The following SKAP2 variants were observed in gnomAD, a reference collection of about 807,000 sequenced individuals.
SKAP2 encodes the protein src kinase associated phosphoprotein 2, also known as src kinase-associated phosphoprotein 2.
In SKAP2, 28 loss-of-function variants were observed where a neutral mutation model predicts 54.9. The ratio of observed to expected loss-of-function variants is 0.51; its 90% CI spans 0.38 to 0.70. The LOEUF (loss-of-function observed/expected upper bound fraction) is 0.70, where lower values mean the gene tolerates loss of function less well. SKAP2 is among the 30% of genes least tolerant of loss of function. SKAP2 has a pLI of 0.00. For synonymous variants in SKAP2, 137 were observed against 134.3 expected (o/e 1.02, Z -0.14); for missense variants, 356 against 424.1 (o/e 0.84, Z 1.41).
At chr7:26,840,241 T>A (rs1224698110) in intron 4 of SKAP2, among the ~76,000 whole-genome samples, 1 of 152,082 alleles carries the variant, frequency 6.6e-6, no homozygotes, top group Non-Finnish European at 1.5e-5. Flanking sequence ...GGTTTCAGAT[T>A]TTTATCCACA....
At chr7:26,699,994 T>G (rs968094104) in intron 9 of SKAP2, among the ~76,000 whole-genome samples, 2 of 152,242 alleles carry the variant, frequency 1.3e-5, no homozygotes, top group Admixed American at 1.3e-4. Context: ...TTTCTTGTAC[T>G]TGTGCAACTA....
At chr7:26,772,927 T>C (rs1783219340) in intron 4 of SKAP2, among the ~76,000 whole-genome samples, 1 of 152,230 alleles carries the variant, frequency 6.6e-6, no homozygotes, top group Admixed American at 6.5e-5. Flanking sequence ...ACAATAAGGC[T>C]GAGTCCAGTG....
intron 6 of SKAP2, among the ~76,000 whole-genome samples, chr7:26,730,158 C>T (rs557861308): frequency 1.3e-5 from 2 of 152,150 alleles, no homozygotes; most frequent in Admixed American, 1.3e-4. Context: ...CAACACTGTT[C>T]TCCTCCTTTC....
At chr7:26,699,818 G>GA (rs1005079648) in intron 9 of SKAP2, among the ~76,000 whole-genome samples, 3 of 151,650 alleles carry the variant, frequency 2.0e-5, no homozygotes, top group Non-Finnish European at 4.4e-5. Flanking sequence ...TCCACCACAT[G>GA]AAAAAAAATG....
chr7:26,756,334 C>T (rs986677300), intron 4 of SKAP2, among the ~76,000 whole-genome samples: 2 of 152,126 alleles, frequency 1.3e-5, no homozygotes, highest in Non-Finnish European at 2.9e-5. Flanking sequence ...CACCTCCTCC[C>T]GCCCCACAAC....
intron 9 of SKAP2, among the ~76,000 whole-genome samples, chr7:26,710,530 A>G (rs983275949): frequency 6.6e-6 from 1 of 152,196 alleles, no homozygotes; most frequent in East Asian, 1.9e-4. Flanking sequence ...ACAGAAGTGT[A>G]AGAACACAAA....
At chr7:26,777,935 T>TA (rs1783347484) in intron 4 of SKAP2, among the ~76,000 whole-genome samples, 1 of 151,992 alleles carries the variant, frequency 6.6e-6, no homozygotes, top group African/African-American at 2.4e-5. Flanking sequence ...AATGAACTGA[T>TA]TATAGGTATT....
At chr7:26,838,636 A>T (rs1468022154) in intron 4 of SKAP2, among the ~76,000 whole-genome samples, 1 of 152,184 alleles carries the variant, frequency 6.6e-6, no homozygotes, top group African/African-American at 2.4e-5. Context: ...ACTCACTTAA[A>T]TAAAAGGCCC....
intron 9 of SKAP2, among the ~76,000 whole-genome samples, chr7:26,709,221 T>C (rs1176965333): frequency 6.6e-6 from 1 of 152,104 alleles, no homozygotes; most frequent in African/African-American, 2.4e-5. Context: ...AGAAGTAAGG[T>C]AGTTTCTGAA....
At chr7:26,733,102 G>T (rs1164640759) in intron 6 of SKAP2, among the ~76,000 whole-genome samples, 2 of 151,416 alleles carry the variant, frequency 1.3e-5, no homozygotes, top group African/African-American at 4.9e-5. Context: ...CTGCACTCTG[G>T]CCTGGGCAAC....
chr7:26,808,260 T>C (rs973366288), intron 4 of SKAP2, among the ~76,000 whole-genome samples: 2 of 152,152 alleles, frequency 1.3e-5, no homozygotes, highest in Admixed American at 6.5e-5. Context: ...TTGGTATACA[T>C]ACATAATAGA....
At chr7:26,762,128 T>C (rs1255755437) in intron 4 of SKAP2, among the ~76,000 whole-genome samples, 1 of 152,088 alleles carries the variant, frequency 6.6e-6, no homozygotes, top group Non-Finnish European at 1.5e-5. Context: ...AATTTATTCA[T>C]AGCTTTTTAA....
At chr7:26,706,008 T>A (rs1399057618) in intron 9 of SKAP2, among the ~76,000 whole-genome samples, 1 of 152,220 alleles carries the variant, frequency 6.6e-6, no homozygotes, top group African/African-American at 2.4e-5. Context: ...GACATTCTGC[T>A]GCTAGAAACT....
At chr7:26,753,373 T>G (rs934038376) in intron 4 of SKAP2, among the ~76,000 whole-genome samples, 1 of 152,196 alleles carries the variant, frequency 6.6e-6, no homozygotes, top group Non-Finnish European at 1.5e-5. Flanking sequence ...CAAAATCATC[T>G]ATATGGCTCA....
chr7:26,711,098 C>T (rs1787291022), intron 9 of SKAP2, among the ~76,000 whole-genome samples: 1 of 152,068 alleles, frequency 6.6e-6, no homozygotes, highest in Non-Finnish European at 1.5e-5. Context: ...AACGAAAATA[C>T]TATATTTATA....
At chr7:26,665,080 C>A (rs1194398977), downstream of SKAP2, among the ~76,000 whole-genome samples, 1 of 152,174 alleles carries the variant, frequency 6.6e-6, no homozygotes, top group Non-Finnish European at 1.5e-5. Context: ...TGTGAAACTT[C>A]CCACTTACTT....
intron 4 of SKAP2, among the ~76,000 whole-genome samples, chr7:26,828,143 C>G (rs113285363): frequency 1.3e-5 from 2 of 152,122 alleles, no homozygotes; most frequent in South Asian, 2.1e-4. Flanking sequence ...CCCGGAGAAC[C>G]CAGAAAGTCA....
chr7:26,698,193 T>C (rs1016521435), intron 9 of SKAP2, among the ~76,000 whole-genome samples: 11 of 152,126 alleles, frequency 7.2e-5, no homozygotes, highest in Admixed American at 2.6e-4. Flanking sequence ...CCCTTTCTCA[T>C]CATATGCAGT....
At position 26,684,778 on chromosome 7, in the gene SKAP2, C is replaced by T. The variant is rs186978718; in HGVS notation, c.945G>A (p.Glu315=). ...LWDCTGAFSD[E]LSFKRGDVIY... ...TCACATCACCACGCTTAAATGACAA[C>T]TCATCAGAAAAAGCTCCAGTACAAT... The change falls in exon 11 of 13, where the codon GAG becomes GAA. Residue 315 remains glutamate (E), a synonymous_variant. Coordinates refer to ENST00000345317, the MANE Select transcript of SKAP2 (RefSeq NM_003930.5). The T allele has an allele frequency of 2.5e-6, 4 of 1,612,796 alleles. No homozygotes were observed. The Admixed American group carries it at 6.7e-5, about 27-fold the overall frequency.
Sources: gnomAD v4.1 joint callset for allele counts (sites outside exome capture counted in the v4.1 genomes callset) on GRCh38, gnomAD v4.1.1 for gene constraint, MANE v1.5 for transcripts, NCBI Gene and HGNC (gene_info 2026-07-23, HGNC 2026-07-21) for gene names.